The following SLC22A23 variants were observed in gnomAD, a reference collection of about 807,000 sequenced individuals.
SLC22A23 encodes ion transporter protein.
A neutral mutation model predicts 61.0 loss-of-function variants in SLC22A23; 26 were observed. The ratio of observed to expected loss-of-function variants is 0.43; its 90% confidence interval spans 0.31 to 0.59. SLC22A23 has a LOEUF of 0.59. Ranked by LOEUF, SLC22A23 falls within the 20% of genes least tolerant of loss-of-function variation. The probability of loss-of-function intolerance (pLI) is 0.11; values close to 1 mark genes in which losing one functional copy is unlikely to be tolerated. For synonymous variants in SLC22A23, 430 were observed against 413.9 expected, an observed-to-expected ratio of 1.04 and a Z score of -0.47; for missense variants, 796 against 934.7, an observed-to-expected ratio of 0.85 and a Z score of 1.94.
At chr6:3,377,584 C>T (rs1279009123) in intron 3 of SLC22A23, among the ~76,000 whole-genome samples, 1 of 152,224 alleles carries the variant, frequency 6.6e-6, no homozygotes, top group Non-Finnish European at 1.5e-5. Context: ...ATGCCTTCCC[C>T]TCCCATGCAG....
At position 3,297,594 on chromosome 6, in the gene SLC22A23, G is replaced by A. The variant is rs557463315; in HGVS notation, c.1210+497C>T. Among the ~76,000 whole-genome samples, 88 of 152,274 alleles carry A rather than the reference G, an allele frequency of 5.8e-4. No individual in the cohort carries two copies. Among genetic ancestry groups the A allele is most frequent in the South Asian group, 2.5e-3 (12 of 4,824 alleles). Reference sequence around the variant, plus strand: ...CTAGCTGTGGTAACGCTCCTGACACGCAGGAATTCTATGGATCTGAACGAC... The same window carrying A: ...CTAGCTGTGGTAACGCTCCTGACACACAGGAATTCTATGGATCTGAACGAC... On this transcript the variant is annotated intron_variant, in intron 5 of 9. Transcript: ENST00000406686. The surrounding 1 kb of genome is among the most constrained non-coding windows in gnomAD (Gnocchi z 4.3).
intron 8 of SLC22A23, 74 bp downstream of exon 8, chr6:3,285,005 G>A (rs574793424): frequency 1.5e-5 from 24 of 1,579,398 alleles, no homozygotes; most frequent in South Asian, 1.2e-4. Flanking sequence ...CCACAGGTCC[G>A]TGAGTCTTCG....
At chr6:3,283,816 A>C (rs781049408) in intron 9 of SLC22A23, 36 bp downstream of exon 9, 1 of 1,611,982 alleles carries the variant, frequency 6.2e-7, no homozygotes, top group Non-Finnish European at 8.5e-7. Context: ...GATTTCCGAG[A>C]AGCCGGCGTC....
chr6:3,283,026 T>A lies in SLC22A23; in HGVS notation c.1703+826A>T, dbSNP rs902926745. Among the ~76,000 whole-genome samples the A allele has an allele frequency of 5.3e-5, 8 of 152,344 alleles. No individual in the cohort carries two copies. The South Asian group carries it at 8.3e-4, about 16-fold the overall frequency. On this transcript the variant is annotated intron_variant, in intron 9 of 9. Transcript: ENST00000406686. Reference sequence around the variant, plus strand: ...ACTGTGCTGCTGTGTTTTCTGGGCCTAGTGTCTGGCGCGCAGTGGGCTCTC... The same window carrying A: ...ACTGTGCTGCTGTGTTTTCTGGGCCAAGTGTCTGGCGCGCAGTGGGCTCTC...
At chr6:3,357,543 C>A (rs1245777326) in intron 3 of SLC22A23, among the ~76,000 whole-genome samples, 2 of 152,100 alleles carry the variant, frequency 1.3e-5, no homozygotes, top group African/African-American at 4.8e-5. Flanking sequence ...AAAAAGATAT[C>A]TAAAAGCTTA....
Position 3,319,536 on chromosome 6 carries a change from T to G in SLC22A23, c.1082+4298A>C, listed in dbSNP as rs143992934. Among the ~76,000 whole-genome samples the G allele has an allele frequency of 2.2e-3, 328 of 152,288 alleles. 1 individual carries two copies. The highest frequency in any genetic ancestry group is 7.4e-3 in the African/African-American group (307 of 41,560). Reference sequence around the variant, plus strand: ...TGCTTTCAGGAGATCGGGAGCTTGCTCTGGAGATGTATCTAGAATACCTGG... The same window carrying G: ...TGCTTTCAGGAGATCGGGAGCTTGCGCTGGAGATGTATCTAGAATACCTGG... On this transcript the variant is annotated intron_variant, in intron 4 of 9. Coordinates refer to ENST00000406686, the MANE Select transcript of SLC22A23 (RefSeq NM_015482.2).
chr6:3,394,760 G>A (rs954225520), intron 3 of SLC22A23, among the ~76,000 whole-genome samples: 3 of 152,180 alleles, frequency 2.0e-5, no homozygotes, highest in African/African-American at 7.2e-5. Context: ...GCCCCGCTCT[G>A]GTCTACCTTT....
intron 4 of SLC22A23, chr6:3,323,587 T>G: frequency 1.8e-6 from 1 of 560,820 alleles, no homozygotes; most frequent in Non-Finnish European, 3.2e-6. Context: ...GGCCAGTGCA[T>G]TTGCAGATTT....
At chr6:3,438,411 A>T (rs1267604756) in intron 1 of SLC22A23, 1 of 424,654 alleles carries the variant, frequency 2.4e-6, no homozygotes, top group Non-Finnish European at 4.7e-6. Flanking sequence ...TAGATGATCC[A>T]TCAGGCTTGC....
intron 3 of SLC22A23, among the ~76,000 whole-genome samples, chr6:3,405,226 A>G (rs1768727770): frequency 6.6e-6 from 1 of 152,050 alleles, no homozygotes; most frequent in African/African-American, 2.4e-5. Flanking sequence ...GCACCACTGC[A>G]CACCAGCCCA....
intron 3 of SLC22A23, among the ~76,000 whole-genome samples, chr6:3,358,776 A>G (rs767943686): frequency 1.1e-4 from 16 of 152,216 alleles, no homozygotes; most frequent in South Asian, 2.1e-4. Flanking sequence ...AGGCCCCAGG[A>G]GAGTTTCTGT....
intron 3 of SLC22A23, among the ~76,000 whole-genome samples, chr6:3,369,690 C>CAAAA (rs56226023): frequency 5.5e-5 from 8 of 144,980 alleles, no homozygotes; most frequent in East Asian, 2.0e-4. Context: ...GACTCCATCT[C>CAAAA]AAAAAAAAAA....
chr6:3,397,444 C>G (rs1409661549), intron 3 of SLC22A23, among the ~76,000 whole-genome samples: 1 of 152,200 alleles, frequency 6.6e-6, no homozygotes, highest in African/African-American at 2.4e-5. Context: ...AGTGTTATCT[C>G]TGGCTTAAAG....
At position 3,276,089 on chromosome 6, in the gene SLC22A23, A is replaced by C. The variant is rs932578300; in HGVS notation, c.1704-2677T>G. On this transcript the variant is annotated intron_variant, in intron 9 of 9. Transcript: ENST00000406686. ...ACAGATTTGGAGCCTTTTTCTCAGA[A>C]TGCAATGGAAGAATGGTGATTGTGT... Among the ~76,000 whole-genome samples the C allele has an allele frequency of 2.6e-4, 39 of 152,308 alleles. 1 individual carries two copies. The highest frequency in any genetic ancestry group is 7.9e-4 in the African/African-American group (33 of 41,574).
At chr6:3,287,165 T>A in intron 6 of SLC22A23, 74 bp from the exon 7 acceptor site, 14 of 1,375,430 alleles carry the variant, frequency 1.0e-5, no homozygotes, top group Non-Finnish European at 1.4e-5. Context: ...TGGGAGTTCG[T>A]GCTGTCAGGT....
At chr6:3,320,768 C>T (rs79084111) in intron 4 of SLC22A23, among the ~76,000 whole-genome samples, 41,663 of 152,088 alleles carry the variant, frequency 0.27, 7,034 homozygotes, top group Non-Finnish European at 0.38. Context: ...TCACCACCCA[C>T]TTTTTAACCT....
intron 3 of SLC22A23, among the ~76,000 whole-genome samples, chr6:3,367,435 G>A (rs1444964434): frequency 6.6e-6 from 1 of 152,194 alleles, no homozygotes; most frequent in Admixed American, 6.5e-5. Flanking sequence ...GGCTGTGACG[G>A]CACCTACAGG....
In SLC22A23 at chr6:3,269,957, C is replaced by G. The variant is rs1004851476; in HGVS notation, c.*3098G>C. ...TAGCCAAACCAATTTACCAGCCCGT[C>G]TTCCAGATGCAGGTGATCTTACTCT... On this transcript the variant is annotated 3_prime_UTR_variant, in exon 10 of 10. Coordinates refer to ENST00000406686, the MANE Select transcript of SLC22A23 (RefSeq NM_015482.2). 4 of 152,828 alleles carry G rather than the reference C, an allele frequency of 2.6e-5. No individual in the cohort carries two copies. Among genetic ancestry groups the G allele is most frequent in the East Asian group, 1.9e-4 (1 of 5,344 alleles). 9.5% of individuals were successfully genotyped at this position (152,828 alleles called of 1,614,324 possible).
intron 6 of SLC22A23, among the ~76,000 whole-genome samples, chr6:3,288,109 G>A (rs1308661534): frequency 6.6e-6 from 1 of 152,184 alleles, no homozygotes; most frequent in African/African-American, 2.4e-5. Context: ...AGGAACAAAG[G>A]CGTGGCTGCA....
Sources: allele counts gnomAD v4.1 joint callset (sites outside exome capture counted in the v4.1 genomes callset), GRCh38; gene constraint gnomAD v4.1.1; non-coding constraint Gnocchi (gnomAD v3.1); transcripts MANE v1.5; gene names NCBI Gene and HGNC (gene_info 2026-07-23, HGNC 2026-07-21).